The following NLGN4Y variants were observed in gnomAD, a reference collection of about 807,000 sequenced individuals.
The protein encoded by NLGN4Y is neuroligin-4, Y-linked.
In NLGN4Y, 4 loss-of-function variants were observed where a neutral mutation model predicts 8.4. That is an observed-to-expected ratio of 0.48 (90% CI 0.23 to 1.09). The LOEUF is 1.09. Ranked by LOEUF, NLGN4Y falls within the 50% of genes least tolerant of loss-of-function variation. NLGN4Y has a pLI of 0.19. For synonymous variants in NLGN4Y, 35 were observed against 75.6 expected, an observed-to-expected ratio of 0.46 and a Z score of 2.78; for missense variants, 90 against 192.3, an observed-to-expected ratio of 0.47 and a Z score of 3.15.
chrY:14,700,095 G>T (rs986736129), intron 2 of NLGN4Y, among the ~76,000 whole-genome samples: 4 of 33,557 alleles, frequency 1.2e-4, no homozygotes, highest in African/African-American at 2.3e-4. Flanking sequence ...TTAGGTAAAG[G>T]CTCTGAATCC....
chrY:14,682,885 C>T, intron 2 of NLGN4Y, among the ~76,000 whole-genome samples: 1 of 32,297 alleles, frequency 3.1e-5, no homozygotes, highest in African/African-American at 1.2e-4. Flanking sequence ...ATGGTCCCAG[C>T]TACTAGTTAG....
chrY:14,634,558 G>GTAT, intron 2 of NLGN4Y, among the ~76,000 whole-genome samples: 1 of 33,531 alleles, frequency 3.0e-5, no homozygotes, highest in East Asian at 8.0e-4. Flanking sequence ...GGGCACTCCA[G>GTAT]CCTGGGTGAC....
At chrY:14,550,105 A>C in intron 1 of NLGN4Y, among the ~76,000 whole-genome samples, 2 of 33,792 alleles carry the variant, frequency 5.9e-5, no homozygotes, top group African/African-American at 2.3e-4. Context: ...ATGTAAGTGC[A>C]TGTGCACATG....
Position 14,760,817 on chromosome Y carries a change from C to T in NLGN4Y, c.685+37548C>T, listed in dbSNP as rs559470772. Among the ~76,000 whole-genome samples, 15 of 33,480 alleles carry T rather than the reference C, an allele frequency of 4.5e-4. No individual in the cohort carries two copies. In the East Asian group the frequency reaches 7.7e-3, roughly 17 times the overall value. The allele number at this position is 33,480 out of a possible 37,273, so 89.8% of individuals were successfully genotyped here. On this transcript the variant is annotated intron_variant, in intron 4 of 6. Transcript: ENST00000684976. ...GGAGAAAAGACTGTATTCACAAACA[C>T]GACACCCTCCTAAGAAGATACAATA...
chrY:14,607,389 C>T, intron 1 of NLGN4Y, among the ~76,000 whole-genome samples: 1 of 31,997 alleles, frequency 3.1e-5, no homozygotes, highest in Non-Finnish European at 7.6e-5. Flanking sequence ...CACCCCATCC[C>T]CCAAGAAGCC....
intron 2 of NLGN4Y, among the ~76,000 whole-genome samples, chrY:14,696,073 T>C (rs1005611675): frequency 6.1e-5 from 2 of 32,970 alleles, no homozygotes; most frequent in African/African-American, 2.4e-4. Context: ...GCCTGCATCT[T>C]CATGTCCAGC....
chrY:14,712,016 G>A, intron 2 of NLGN4Y, among the ~76,000 whole-genome samples: 1 of 28,693 alleles, frequency 3.5e-5, no homozygotes, highest in East Asian at 9.2e-4. Flanking sequence ...GGAGCTTGCA[G>A]TGAGCCGAAA....
At chrY:14,832,027 A>G (rs2043181490) in intron 6 of NLGN4Y, among the ~76,000 whole-genome samples, 8 of 33,938 alleles carry the variant, frequency 2.4e-4, no homozygotes, top group Non-Finnish European at 5.8e-4. Flanking sequence ...AAATCAATGG[A>G]GTATCATTCT....
intron 4 of NLGN4Y, among the ~76,000 whole-genome samples, chrY:14,742,531 T>C (rs2081009633): frequency 3.0e-5 from 1 of 32,816 alleles, no homozygotes; most frequent in Non-Finnish European, 7.5e-5. Context: ...CACCCCCTCA[T>C]ACTTTTATAT....
chrY:14,570,083 A>C, intron 1 of NLGN4Y, among the ~76,000 whole-genome samples: 4 of 33,969 alleles, frequency 1.2e-4, no homozygotes, highest in African/African-American at 4.6e-4. Flanking sequence ...GGGGAAACCC[A>C]GCCAGGCCTG....
At chrY:14,737,281 A>C in intron 4 of NLGN4Y, among the ~76,000 whole-genome samples, 1 of 33,540 alleles carries the variant, frequency 3.0e-5, no homozygotes, top group Non-Finnish European at 7.4e-5. Flanking sequence ...TGAGAAGTCC[A>C]CCTGACCTAA....
At chrY:14,548,869 C>G in intron 1 of NLGN4Y, among the ~76,000 whole-genome samples, 1 of 33,511 alleles carries the variant, frequency 3.0e-5, no homozygotes, top group Admixed American at 2.7e-4. Context: ...TATTGTAACT[C>G]CATAAATGCC....
At chrY:14,568,240 C>G in intron 1 of NLGN4Y, among the ~76,000 whole-genome samples, 1 of 32,542 alleles carries the variant, frequency 3.1e-5, no homozygotes, top group Admixed American at 2.9e-4. Context: ...AAGGTATATA[C>G]GAGATTCTTG....
intron 4 of NLGN4Y, among the ~76,000 whole-genome samples, chrY:14,790,594 T>A: frequency 8.8e-5 from 3 of 33,915 alleles, no homozygotes; most frequent in Non-Finnish European, 2.2e-4. Flanking sequence ...ACTATTTCCA[T>A]CCTGCAAACC....
intron 4 of NLGN4Y, among the ~76,000 whole-genome samples, chrY:14,806,962 C>T: frequency 3.0e-5 from 1 of 33,095 alleles, no homozygotes; most frequent in Non-Finnish European, 7.4e-5. Flanking sequence ...AAAAGGCATC[C>T]CAGGTAGTGG....
At chrY:14,603,997 C>A (rs1012797431) in intron 1 of NLGN4Y, among the ~76,000 whole-genome samples, 2 of 33,045 alleles carry the variant, frequency 6.1e-5, no homozygotes, top group African/African-American at 1.2e-4. Context: ...TGGGATACTT[C>A]TATGATCTGA....
chrY:14,583,864 A>C (rs2080327978), intron 1 of NLGN4Y, among the ~76,000 whole-genome samples: 13 of 34,083 alleles, frequency 3.8e-4, no homozygotes, highest in Non-Finnish European at 7.3e-5. Flanking sequence ...TCTAGGTTAG[A>C]GGCTTTCTGG....
chrY:14,638,510 G>C, intron 2 of NLGN4Y, among the ~76,000 whole-genome samples: 1 of 33,722 alleles, frequency 3.0e-5, no homozygotes, highest in Non-Finnish European at 7.3e-5. Context: ...AGAAATTAAA[G>C]TTCGAAGGTT....
At position 14,842,964 on chromosome Y, in the gene NLGN4Y, A is replaced by C; in HGVS notation, c.*1702A>C. ...AAAGATTACTGCATTACCAAGAAAC[A>C]GTAGCCAAAGATGTTTGAAGATCAT... On this transcript the variant is annotated 3_prime_UTR_variant, in exon 7 of 7. Coordinates refer to ENST00000684976, the MANE Select transcript of NLGN4Y (RefSeq NM_001365588.1). 1.7e-5 allele frequency: 2 copies of C among 119,980 alleles called. No homozygotes were observed. Among genetic ancestry groups the C allele is most frequent in the Non-Finnish European group, 3.6e-5 (2 of 55,878 alleles). The allele number at this position is 119,980 out of a possible 400,897, so 29.9% of individuals were successfully genotyped here.
Sources: gnomAD v4.1 joint callset for allele counts (sites outside exome capture counted in the v4.1 genomes callset) on GRCh38, gnomAD v4.1.1 for gene constraint, MANE v1.5 for transcripts, NCBI Gene and HGNC (gene_info 2026-07-23, HGNC 2026-07-21) for gene names.